Variants in YEATS2 observed in about 807,000 individuals in gnomAD.
YEATS2 encodes YEATS domain-containing protein 2.
In YEATS2, 77 loss-of-function variants were observed where a neutral mutation model predicts 163.2. The ratio of observed to expected loss-of-function variants is 0.47; its 90% CI spans 0.39 to 0.57. The LOEUF is 0.57. Ranked by LOEUF, YEATS2 falls within the 20% of genes least tolerant of loss-of-function variation. The pLI is 0.00. For synonymous variants in YEATS2, 631 were observed against 645.1 expected (o/e 0.98, Z 0.33); for missense variants, 1,549 against 1,729.8 (o/e 0.90, Z 1.85).
At position 183,752,070 on chromosome 3, in the gene YEATS2, T is replaced by C. The variant is rs1449901809; in HGVS notation, c.970-3T>C. On this transcript the variant is annotated splice_region_variant and splice_polypyrimidine_tract_variant and intron_variant, in intron 9 of 30. Transcript: ENST00000305135. ...TGAGCCTGATTGTTGCCCAATTGTC[T>C]AGGTAGTGGATGTTGAACTCCATCG... The C allele has an allele frequency of 6.2e-7, 1 of 1,614,004 alleles. No homozygotes were observed. Among genetic ancestry groups the C allele is most frequent in the Admixed American group, 1.7e-5 (1 of 60,018 alleles).
chr3:183,705,879 A>G (rs1183915082), intron 1 of YEATS2, among the ~76,000 whole-genome samples: 6 of 152,048 alleles, frequency 3.9e-5, no homozygotes, highest in Non-Finnish European at 5.9e-5. Flanking sequence ...CTTTAGTAAA[A>G]ATGCAAAAAA....
At chr3:183,787,407 G>A (rs1259218240) in intron 20 of YEATS2, among the ~76,000 whole-genome samples, 6 of 151,904 alleles carry the variant, frequency 3.9e-5, no homozygotes, top group African/African-American at 7.3e-5. Context: ...TATAGCTATT[G>A]TAGTGGGTGT....
rs746197220 is a variant in YEATS2 at position 183,798,028 on chromosome 3, C to T, written c.3203C>T (p.Thr1068Met). Reference sequence around the variant, plus strand: ...GTAAACACATCTGGAGGGGTGCAGACGATCCTGATGCCTGTGAATAAAGGT... The same window carrying T: ...GTAAACACATCTGGAGGGGTGCAGATGATCCTGATGCCTGTGAATAAAGGT... ...LSVNTSGGVQ[T>M]ILMPVNKVVQ... The change falls in exon 22 of 31, where the codon ACG (threonine) becomes ATG (methionine). Residue 1068 changes from threonine (T) to methionine (M), a missense_variant. Physicochemically the swap from Thr to Met is moderately conservative, Grantham distance 81 (BLOSUM62 -1). Coordinates refer to ENST00000305135, the MANE Select transcript of YEATS2 (RefSeq NM_018023.5). 10 of 1,613,898 alleles carry T rather than the reference C, an allele frequency of 6.2e-6. No homozygotes were observed. Among genetic ancestry groups the T allele is most frequent in the South Asian group, 1.1e-5 (1 of 91,072 alleles).
intron 15 of YEATS2, among the ~76,000 whole-genome samples, chr3:183,763,360 A>T (rs1721574713): frequency 6.6e-6 from 1 of 152,226 alleles, no homozygotes; most frequent in African/African-American, 2.4e-5. Flanking sequence ...TAAATATAGA[A>T]AAGATACTGT....
chr3:183,787,642 T>C (rs534165516), intron 20 of YEATS2, among the ~76,000 whole-genome samples: 1 of 152,306 alleles, frequency 6.6e-6, no homozygotes, highest in East Asian at 1.9e-4. Flanking sequence ...AGCTGTCTTT[T>C]CACTTTCTTG....
chr3:183,725,097 A>C (rs1716947673), intron 6 of YEATS2, among the ~76,000 whole-genome samples: 1 of 137,562 alleles, frequency 7.3e-6, no homozygotes, highest in Non-Finnish European at 1.5e-5. Flanking sequence ...ACAAATAGCC[A>C]GGGGACCTAG....
At chr3:183,779,411 A>G (rs1300252724) in intron 19 of YEATS2, among the ~76,000 whole-genome samples, 2 of 152,232 alleles carry the variant, frequency 1.3e-5, no homozygotes, top group Admixed American at 6.5e-5. Context: ...TCTTCCTTAG[A>G]TTTCACACCT....
intron 9 of YEATS2, among the ~76,000 whole-genome samples, chr3:183,751,426 A>T (rs1720154673): frequency 6.6e-6 from 1 of 152,238 alleles, no homozygotes; most frequent in African/African-American, 2.4e-5. Context: ...AATAATCAGC[A>T]ATAGCCATTT....
intron 11 of YEATS2, among the ~76,000 whole-genome samples, chr3:183,755,411 CCT>C (rs775515315): frequency 2.6e-5 from 4 of 152,148 alleles, no homozygotes; most frequent in Non-Finnish European, 4.4e-5. Flanking sequence ...GCCACCGTCC[CCT>C]GTCATTGGTA....
chr3:183,791,712 G>A (rs1724671406), intron 21 of YEATS2, among the ~76,000 whole-genome samples: 1 of 152,070 alleles, frequency 6.6e-6, no homozygotes, highest in African/African-American at 2.4e-5. Flanking sequence ...TCTTAGCCTT[G>A]TTGACTCCAA....
rs747426546 is a variant in YEATS2, at chr3:183,806,959, A to AGGT, written c.3881_3883dup (p.Val1294dup). 9.9e-6 allele frequency: 16 copies of AGGT among 1,614,030 alleles called. No individual in the cohort carries two copies. The East Asian group carries it at 1.8e-4, about 18-fold the overall frequency. ...AAAAGGGAACCCGAGAATGAGGAGG[A>AGGT]GGTGGACATCCTCAGCCTCTCCGAG... is the stretch of plus-strand genomic sequence containing the variant. On this transcript the variant is annotated inframe_insertion, in exon 28 of 31. Transcript: ENST00000305135.
At chr3:183,751,786 C>T (rs1035809750) in intron 9 of YEATS2, among the ~76,000 whole-genome samples, 2 of 152,074 alleles carry the variant, frequency 1.3e-5, no homozygotes, top group Admixed American at 6.6e-5. Flanking sequence ...GGAGGAATAG[C>T]GTTGTAAGGA....
chr3:183,777,982 C>T (rs543106567), intron 19 of YEATS2, among the ~76,000 whole-genome samples: 6 of 151,572 alleles, frequency 4.0e-5, no homozygotes, highest in African/African-American at 9.7e-5. Context: ...TGCAGTGGTG[C>T]GTGCCTATAG....
intron 17 of YEATS2, 149 bp from the exon 18 acceptor site, chr3:183,775,766 G>T: frequency 8.7e-7 from 1 of 1,154,188 alleles, no homozygotes; most frequent in Non-Finnish European, 1.3e-6. Context: ...TTGTCACAGG[G>T]TAGGTAGATT....
At chr3:183,764,756 G>A (rs1463792329) in intron 15 of YEATS2, among the ~76,000 whole-genome samples, 2 of 152,258 alleles carry the variant, frequency 1.3e-5, no homozygotes, top group South Asian at 2.1e-4. Flanking sequence ...GCAGTGAGAC[G>A]AGATCTTGCT....
chr3:183,709,285 T>C (rs918865445), intron 1 of YEATS2, among the ~76,000 whole-genome samples: 1 of 152,220 alleles, frequency 6.6e-6, no homozygotes, highest in Non-Finnish European at 1.5e-5. Flanking sequence ...AAGCTTTGTT[T>C]TCTTGTGTTA....
intron 19 of YEATS2, among the ~76,000 whole-genome samples, chr3:183,783,163 C>T (rs1173383382): frequency 6.6e-6 from 1 of 152,232 alleles, no homozygotes; most frequent in Non-Finnish European, 1.5e-5. Flanking sequence ...AAATTAATCT[C>T]TTCATCTCTA....
At chr3:183,808,929 C>A in intron 29 of YEATS2, 168 bp from the exon 30 acceptor site, 2 of 570,300 alleles carry the variant, frequency 3.5e-6, no homozygotes, top group South Asian at 2.2e-5. Context: ...AGAATCATGG[C>A]CTTTATCATT....
intron 8 of YEATS2, among the ~76,000 whole-genome samples, chr3:183,740,586 C>T (rs928581382): frequency 2.6e-5 from 4 of 152,232 alleles, no homozygotes; most frequent in African/African-American, 9.6e-5. Flanking sequence ...GGGCAAGGCC[C>T]TAGCTCTTCA....
Sources: gnomAD v4.1 joint callset for allele counts (sites outside exome capture counted in the v4.1 genomes callset) on GRCh38, gnomAD v4.1.1 for gene constraint, MANE v1.5 for transcripts, NCBI Gene and HGNC (gene_info 2026-07-23, HGNC 2026-07-21) for gene names.